SLCO3A1: variants seen among roughly 807,000 people sequenced by gnomAD.
SLCO3A1 encodes solute carrier organic anion transporter family member 3A1.
A neutral mutation model predicts 63.1 loss-of-function variants in SLCO3A1; 27 were observed. That is an observed-to-expected ratio of 0.43 (90% CI 0.32 to 0.59). SLCO3A1 has a LOEUF of 0.59. Among genes scored for constraint, SLCO3A1 ranks in the 20% least tolerant of loss-of-function variants. The pLI is 0.09. For missense variants in SLCO3A1, 773 were observed against 945.8 expected (o/e 0.82, Z 2.40); for synonymous variants, 473 against 409.9 (o/e 1.15, Z -1.86).
At chr15:92,168,827 G>C (rs1255895005), downstream of SLCO3A1, among the ~76,000 whole-genome samples, 1 of 152,178 alleles carries the variant, frequency 6.6e-6, no homozygotes, top group African/African-American at 2.4e-5. Context: ...TGGCGGATTT[G>C]AACTGTATAG....
chr15:92,025,338 T>C (rs1597233198), intron 2 of SLCO3A1, among the ~76,000 whole-genome samples: 1 of 152,134 alleles, frequency 6.6e-6, no homozygotes, highest in Non-Finnish European at 1.5e-5. Context: ...TAAGTTCTTA[T>C]TTTAAGGCTG....
At chr15:91,990,849 A>C (rs2046117641) in intron 2 of SLCO3A1, among the ~76,000 whole-genome samples, 1 of 152,032 alleles carries the variant, frequency 6.6e-6, no homozygotes, top group African/African-American at 2.4e-5. Flanking sequence ...AGGAATTTGC[A>C]TGTGTGTTGC....
intron 1 of SLCO3A1, among the ~76,000 whole-genome samples, chr15:91,907,212 T>C (rs1173013439): frequency 6.6e-6 from 1 of 152,016 alleles, no homozygotes; most frequent in Non-Finnish European, 1.5e-5. Flanking sequence ...TTTCTTTTTC[T>C]GTTGTTTTCT....
At chr15:92,119,956 A>G (rs564450008) in intron 4 of SLCO3A1, among the ~76,000 whole-genome samples, 1 of 152,268 alleles carries the variant, frequency 6.6e-6, no homozygotes, top group South Asian at 2.1e-4. Context: ...GAGCACAAGA[A>G]TTTCATATCT....
rs2048466028 is a variant in SLCO3A1 at position 92,163,520 on chromosome 15, C to T, written c.*385C>T. ...ACACATACACATACAAAACAGAAAACATTTTTTAAAAGAAGTTTCCTAAAA... is the reference window on the plus strand; with the variant it reads ...ACACATACACATACAAAACAGAAAATATTTTTTAAAAGAAGTTTCCTAAAA... On this transcript the variant is annotated 3_prime_UTR_variant, in exon 10 of 10. Transcript: ENST00000318445. The T allele has an allele frequency of 1.1e-5, 11 of 981,856 alleles. No individual in the cohort carries two copies. Among genetic ancestry groups the T allele is most frequent in the Non-Finnish European group, 1.2e-5 (10 of 829,570 alleles). 60.8% of individuals were successfully genotyped at this position (981,856 alleles called of 1,614,324 possible). A position where few individuals can be genotyped will look rare whatever the true frequency, so the allele number is the denominator to read the frequency against.
chr15:92,021,202 G>A (rs982289003), intron 2 of SLCO3A1, among the ~76,000 whole-genome samples: 3 of 152,164 alleles, frequency 2.0e-5, no homozygotes, highest in African/African-American at 7.2e-5. Flanking sequence ...GCCCTTGATA[G>A]TGCAGCAGAA....
At position 92,132,229 on chromosome 15, in the gene SLCO3A1, C is replaced by T. The variant is rs2048005326; in HGVS notation, c.1512+3740C>T. ...CAAGACGTGAAAATTCCCCATAACT[C>T]AATTAGATGTAAATAAGTCACTGAT... On this transcript the variant is annotated intron_variant, in intron 7 of 9. Coordinates refer to ENST00000318445, the MANE Select transcript of SLCO3A1 (RefSeq NM_013272.4). 1.4e-5 allele frequency among the ~76,000 whole-genome samples: 2 copies of T among 146,054 alleles called. 1 individual carries two copies. The highest frequency in any genetic ancestry group is 3.1e-5 in the Non-Finnish European group (2 of 65,278).
At position 91,887,625 on chromosome 15, in the gene SLCO3A1, TC is replaced by T. The variant is rs1897758803; in HGVS notation, c.181-28367del. On this transcript the variant is annotated intron_variant, in intron 1 of 9. Coordinates refer to ENST00000318445, the MANE Select transcript of SLCO3A1 (RefSeq NM_013272.4). ...TGCCCCGCAGAGGTGATTGGCCACT[TC>T]GTAGTAATAAACAGATTTCAATCCT... 2.0e-5 allele frequency among the ~76,000 whole-genome samples: 3 copies of T among 152,324 alleles called. No homozygotes were observed. In the South Asian group the frequency reaches 6.2e-4, roughly 32 times the overall value.
rs550388123 is a variant in SLCO3A1, at chr15:91,875,833, A to G, written c.180+21745A>G. Among the ~76,000 whole-genome samples the G allele has an allele frequency of 6.6e-6, 1 of 152,370 alleles. No individual in the cohort carries two copies. Among genetic ancestry groups the G allele is most frequent in the South Asian group, 2.1e-4 (1 of 4,828 alleles). On this transcript the variant is annotated intron_variant, in intron 1 of 9. Coordinates refer to ENST00000318445, the MANE Select transcript of SLCO3A1 (RefSeq NM_013272.4). This position sits in a 1 kb window ranked among gnomAD's most constrained non-coding sequence, Gnocchi z 4.5. ...AGTCAACTTTTATTGGAACACAGCC[A>G]TGCTGATTTATGTATATATTATCAT...
rs1039482998 is a variant in SLCO3A1, at chr15:92,164,610, A to C, written c.*1475A>C. 1.0e-6 allele frequency: 1 copy of C among 972,792 alleles called. No individual in the cohort carries two copies. The highest frequency in any genetic ancestry group is 1.9e-5 in the African/African-American group (1 of 53,394). The allele number at this position is 972,792 out of a possible 1,614,324, so 60.3% of individuals were successfully genotyped here. ...TAACACAAGCTGTTAAGAAGTCTGT[A>C]GCATCTCTGATAACGAATAGACCCA... On this transcript the variant is annotated 3_prime_UTR_variant, in exon 10 of 10. Transcript: ENST00000318445.
chr15:92,048,316 C>T (rs1466504284), intron 2 of SLCO3A1, among the ~76,000 whole-genome samples: 3 of 151,944 alleles, frequency 2.0e-5, no homozygotes, highest in South Asian at 2.1e-4. Flanking sequence ...ATTGTGCTGC[C>T]GTCCCTCTCT....
intron 2 of SLCO3A1, among the ~76,000 whole-genome samples, chr15:91,927,323 A>C (rs1899064995): frequency 6.6e-6 from 1 of 152,090 alleles, no homozygotes; most frequent in South Asian, 2.1e-4. Flanking sequence ...CTAAAAGCAA[A>C]AACACTTTAA....
At chr15:92,034,937 T>C (rs1269027844) in intron 2 of SLCO3A1, among the ~76,000 whole-genome samples, 2 of 151,986 alleles carry the variant, frequency 1.3e-5, no homozygotes, top group Admixed American at 1.3e-4. Flanking sequence ...TACCCCCTCA[T>C]TTCATTCTCA....
intron 1 of SLCO3A1, among the ~76,000 whole-genome samples, chr15:91,867,476 C>G (rs1304087026): frequency 6.6e-6 from 1 of 151,502 alleles, no homozygotes; most frequent in East Asian, 1.9e-4. Context: ...GCAAGATGAG[C>G]TAACATTAGG....
At chr15:91,874,618 C>A (rs960773440) in intron 1 of SLCO3A1, among the ~76,000 whole-genome samples, 1 of 152,212 alleles carries the variant, frequency 6.6e-6, no homozygotes, top group East Asian at 1.9e-4. Context: ...GTATAGACCA[C>A]GTTTTGCTTA....
In SLCO3A1 at chr15:92,034,814, C is replaced by T. The variant is rs1037501415; in HGVS notation, c.647-60067C>T. Among the ~76,000 whole-genome samples, 25 of 151,916 alleles carry T rather than the reference C, an allele frequency of 1.6e-4. 1 individual carries two copies. The highest frequency in any genetic ancestry group is 6.0e-4 in the African/African-American group (25 of 41,398). ...ACTGTCATTGAGACGTTGGCTGGCC[C>T]TTTGGCCAGTGAAAATAACGCTTCC... On this transcript the variant is annotated intron_variant, in intron 2 of 9. Transcript: ENST00000318445.
intron 3 of SLCO3A1, among the ~76,000 whole-genome samples, chr15:92,099,362 GT>G (rs1196284799): frequency 6.6e-6 from 1 of 152,042 alleles, no homozygotes; most frequent in African/African-American, 2.4e-5. Context: ...TTCTAATTAG[GT>G]TTGTAACTTA....
chr15:92,133,521 C>T (rs1346754083), intron 7 of SLCO3A1, among the ~76,000 whole-genome samples: 9 of 145,396 alleles, frequency 6.2e-5, no homozygotes, highest in Admixed American at 5.5e-4. Context: ...TATTTATAGC[C>T]GCTCCCCATC....
chr15:91,922,192 G>GCATGCACACACA (rs1555449773), intron 2 of SLCO3A1, among the ~76,000 whole-genome samples: 3 of 55,234 alleles, frequency 5.4e-5, no homozygotes, highest in Non-Finnish European at 8.3e-5. Context: ...ACACGCGCGT[G>GCATGCACACACA]CACGCACACA....
Sources: allele counts gnomAD v4.1 joint callset (sites outside exome capture counted in the v4.1 genomes callset), GRCh38; gene constraint gnomAD v4.1.1; non-coding constraint Gnocchi (gnomAD v3.1); transcripts MANE v1.5; gene names NCBI Gene and HGNC (gene_info 2026-07-23, HGNC 2026-07-21).